GTPBP10: variants seen among roughly 807,000 people sequenced by gnomAD.
The protein encoded by GTPBP10 is GTP-binding protein 10.
Under a neutral mutation model 44.8 loss-of-function variants are expected in GTPBP10, and 38 were observed. The ratio of observed to expected loss-of-function variants is 0.85; its 90% CI spans 0.65 to 1.11. The LOEUF (loss-of-function observed/expected upper bound fraction) is 1.11, where lower values mean the gene tolerates loss of function less well. GTPBP10 is among the 50% of genes most tolerant of loss of function. GTPBP10 has a pLI of 0.00. For synonymous variants in GTPBP10, 152 were observed against 150.6 expected (o/e 1.01, Z -0.07); for missense variants, 462 against 453.7 (o/e 1.02, Z -0.17).
chr7:90,353,017 A>G lies in GTPBP10; in HGVS notation c.227+8A>G. On this transcript the variant is annotated splice_region_variant and intron_variant, in intron 2 of 9. Transcript: ENST00000222511. ...AGTAGGAGCAAACAGCAAGTAAGTA[A>G]TTACTGAATGACTTAAATTTTAGAA... The G allele has an allele frequency of 2.6e-6, 4 of 1,524,742 alleles. No homozygotes were observed. In the South Asian group the frequency reaches 3.8e-5, roughly 15 times the overall value. The allele number at this position is 1,524,742 out of a possible 1,614,324, so 94.5% of individuals were successfully genotyped here.
chr7:90,369,182 G>C (rs1304671780), intron 4 of GTPBP10, among the ~76,000 whole-genome samples: 1 of 152,124 alleles, frequency 6.6e-6, no homozygotes, highest in African/African-American at 2.4e-5. Context: ...GTCCTAAAGG[G>C]GCAACCCCCT....
intron 4 of GTPBP10, among the ~76,000 whole-genome samples, chr7:90,368,269 T>C (rs1218032491): frequency 1.3e-5 from 2 of 152,220 alleles, no homozygotes; most frequent in Non-Finnish European, 2.9e-5. Flanking sequence ...TTGCGGTTGC[T>C]CTTCTCGAGG....
intron 4 of GTPBP10, among the ~76,000 whole-genome samples, chr7:90,367,040 A>T (rs967687115): frequency 5.9e-5 from 9 of 152,168 alleles, no homozygotes; most frequent in South Asian, 2.1e-4. Context: ...TCATTTCGTT[A>T]TGTACCCAGT....
At chr7:90,355,946 C>G (rs1034499684) in intron 4 of GTPBP10, among the ~76,000 whole-genome samples, 2 of 151,982 alleles carry the variant, frequency 1.3e-5, no homozygotes, top group African/African-American at 2.4e-5. Context: ...TGCATTTGCT[C>G]TCTCTCCCCC....
intron 1 of GTPBP10, among the ~76,000 whole-genome samples, chr7:90,348,256 G>A (rs993956255): frequency 6.2e-4 from 94 of 152,274 alleles, no homozygotes; most frequent in African/African-American, 2.1e-3. Flanking sequence ...GGGTATTTTA[G>A]TAGCTTTGGA....
At chr7:90,355,264 T>C (rs777758510) in intron 4 of GTPBP10, 34 bp downstream of exon 4, 3 of 1,328,344 alleles carry the variant, frequency 2.3e-6, no homozygotes, top group African/African-American at 1.5e-5. Flanking sequence ...TATTATACTT[T>C]CAGAGAGAGA....
chr7:90,357,550 A>G (rs1212440978), intron 4 of GTPBP10, among the ~76,000 whole-genome samples: 2 of 152,242 alleles, frequency 1.3e-5, no homozygotes, highest in Middle Eastern at 3.4e-3. Context: ...AAAATTCCAA[A>G]TTAATATTTG....
At chr7:90,360,663 C>T (rs978479273) in intron 4 of GTPBP10, among the ~76,000 whole-genome samples, 1 of 152,090 alleles carries the variant, frequency 6.6e-6, no homozygotes, top group South Asian at 2.1e-4. Flanking sequence ...TAGTTTTTTC[C>T]AATTCTGTAA....
chr7:90,367,566 GT>G (rs1388243624), intron 4 of GTPBP10, among the ~76,000 whole-genome samples: 1 of 152,038 alleles, frequency 6.6e-6, no homozygotes, highest in Non-Finnish European at 1.5e-5. Flanking sequence ...ATCTTTGTTG[GT>G]TTAAAGTCTA....
intron 1 of GTPBP10, among the ~76,000 whole-genome samples, chr7:90,350,696 A>G (rs530860245): frequency 4.5e-4 from 68 of 152,358 alleles, no homozygotes; most frequent in African/African-American, 1.6e-3. Context: ...TAATTCACAA[A>G]AAGTGCAAGG....
intron 4 of GTPBP10, among the ~76,000 whole-genome samples, chr7:90,362,374 C>G (rs911915042): frequency 2.2e-4 from 33 of 152,148 alleles, no homozygotes; most frequent in African/African-American, 8.0e-4. Context: ...TTATTTCTGC[C>G]TTCATTTCGT....
At chr7:90,371,942 A>G (rs140941182) in intron 4 of GTPBP10, among the ~76,000 whole-genome samples, 1 of 152,196 alleles carries the variant, frequency 6.6e-6, no homozygotes, top group Non-Finnish European at 1.5e-5. Context: ...AATAATTATT[A>G]TACACTTTAA....
At chr7:90,354,587 C>G in intron 3 of GTPBP10, 38 bp downstream of exon 3, 3 of 1,069,912 alleles carry the variant, frequency 2.8e-6, no homozygotes, top group Non-Finnish European at 4.0e-6. Context: ...TAAAAATGTG[C>G]ACGTTTTCTA....
In GTPBP10 at chr7:90,377,720, C is replaced by T. The variant is rs1422892592; in HGVS notation, c.699+106C>T. 7 of 690,230 alleles carry T rather than the reference C, an allele frequency of 1.0e-5. No individual in the cohort carries two copies. In the East Asian group the frequency reaches 1.7e-4, roughly 17 times the overall value. The allele number at this position is 690,230 out of a possible 1,614,324, so 42.8% of individuals were successfully genotyped here. A position where few individuals can be genotyped will look rare whatever the true frequency, so the allele number is the denominator to read the frequency against. Reference sequence around the variant, plus strand: ...TAAGAAAGTGGTAGCATATGTTACTCCACTAAGTCTTTTATAATATGGGGA... The same window carrying T: ...TAAGAAAGTGGTAGCATATGTTACTTCACTAAGTCTTTTATAATATGGGGA... On this transcript the variant is annotated intron_variant, in intron 7 of 9. Coordinates refer to ENST00000222511, the MANE Select transcript of GTPBP10 (RefSeq NM_033107.4).
intron 8 of GTPBP10, among the ~76,000 whole-genome samples, chr7:90,379,005 T>A (rs894212104): frequency 5.9e-5 from 9 of 152,164 alleles, no homozygotes; most frequent in Admixed American, 2.0e-4. Context: ...ACCTGGCCTT[T>A]GTTGTTCTTT....
At chr7:90,375,333 A>G (rs1796326446) in intron 6 of GTPBP10, among the ~76,000 whole-genome samples, 3 of 152,134 alleles carry the variant, frequency 2.0e-5, no homozygotes, top group Admixed American at 2.0e-4. Flanking sequence ...TTACAGCAAC[A>G]TTGTGTTGCT....
At chr7:90,364,948 ATGT>A (rs998250199) in intron 4 of GTPBP10, among the ~76,000 whole-genome samples, 7 of 152,190 alleles carry the variant, frequency 4.6e-5, no homozygotes, top group African/African-American at 1.7e-4. Context: ...ATATAATCTC[ATGT>A]TGTGCCATTT....
intron 1 of GTPBP10, among the ~76,000 whole-genome samples, chr7:90,351,591 C>T (rs1795792147): frequency 6.6e-6 from 1 of 152,116 alleles, no homozygotes; most frequent in Admixed American, 6.5e-5. Context: ...AAAAATTTTT[C>T]TAATATATTT....
intron 6 of GTPBP10, among the ~76,000 whole-genome samples, chr7:90,376,087 T>A (rs1179811836): frequency 6.7e-6 from 1 of 149,030 alleles, no homozygotes; most frequent in Admixed American, 6.7e-5. Flanking sequence ...AAAAAAAAAT[T>A]AGATGGGTGT....
Sources: gnomAD v4.1 joint callset for allele counts (sites outside exome capture counted in the v4.1 genomes callset) on GRCh38, gnomAD v4.1.1 for gene constraint, MANE v1.5 for transcripts, NCBI Gene and HGNC (gene_info 2026-07-23, HGNC 2026-07-21) for gene names.